Variants in COG7 observed in about 807,000 individuals in gnomAD.
COG7 encodes the protein component of oligomeric golgi complex 7.
A neutral mutation model predicts 91.5 loss-of-function variants in COG7; 49 were observed. That is an observed-to-expected ratio of 0.54 (90% CI 0.43 to 0.68). The LOEUF is 0.68. Among genes scored for constraint, COG7 ranks in the 30% least tolerant of loss-of-function variants. The pLI, the probability that COG7 is intolerant of heterozygous loss-of-function variation, is 0.00. For synonymous variants in COG7, 365 were observed against 388.7 expected (o/e 0.94, Z 0.72); for missense variants, 895 against 961.3 (o/e 0.93, Z 0.91).
At chr16:23,404,971 CTCTG>C (rs151220783) in intron 12 of COG7, among the ~76,000 whole-genome samples, 185 of 152,290 alleles carry the variant, frequency 1.2e-3, no homozygotes, top group African/African-American at 4.3e-3. Flanking sequence ...GCAATGTCTC[CTCTG>C]TCTATCACCA....
Position 23,417,265 on chromosome 16 carries a change from C to G in COG7, c.1138-144G>C, listed in dbSNP as rs559829914. 36 of 827,260 alleles carry G rather than the reference C, an allele frequency of 4.4e-5. No homozygotes were observed. In the Admixed American group the frequency reaches 7.1e-4, roughly 16 times the overall value. 51.2% of individuals were successfully genotyped at this position (827,260 alleles called of 1,614,324 possible). A position where few individuals can be genotyped will look rare whatever the true frequency, so the allele number is the denominator to read the frequency against. On this transcript the variant is annotated intron_variant, in intron 8 of 16. Coordinates refer to ENST00000307149, the MANE Select transcript of COG7 (RefSeq NM_153603.4). ...ATAGTCCCAACGTTTGAATGCTTCT[C>G]TAGAGCCTGAATCAAGGGAGAACAG...
chr16:23,449,262 C>A (rs1003886651), intron 1 of COG7, among the ~76,000 whole-genome samples: 19 of 151,792 alleles, frequency 1.3e-4, no homozygotes, highest in Non-Finnish European at 2.2e-4. Context: ...ACTCGGGAGG[C>A]TGAGGCAGGA....
intron 10 of COG7, 24 bp downstream of exon 10, chr16:23,413,424 C>G (rs780397986): frequency 8.6e-7 from 1 of 1,165,834 alleles, no homozygotes; most frequent in East Asian, 2.3e-5. Context: ...TAGGAACAAG[C>G]TTGAATTACA....
intron 7 of COG7, among the ~76,000 whole-genome samples, chr16:23,422,952 G>A (rs1963783003): frequency 6.6e-6 from 1 of 151,494 alleles, no homozygotes; most frequent in African/African-American, 2.4e-5. Context: ...GGCTGAGGCA[G>A]GAGAATTGCT....
Position 23,413,434 on chromosome 16 carries a change from A to C in COG7, c.1409+14T>G, listed in dbSNP as rs1166519830. 2 of 1,280,236 alleles carry C rather than the reference A, an allele frequency of 1.6e-6. No homozygotes were observed. The highest frequency in any genetic ancestry group is 4.6e-5 in the East Asian group (2 of 43,356). 79.3% of individuals were successfully genotyped at this position (1,280,236 alleles called of 1,614,324 possible). ...TACATTAGGAACAAGCTTGAATTAC[A>C]ACCCCCGGTTTACCTAATGGAGTTC... On this transcript the variant is annotated intron_variant, in intron 10 of 16. Coordinates refer to ENST00000307149, the MANE Select transcript of COG7 (RefSeq NM_153603.4).
At chr16:23,440,971 C>T (rs949099899) in intron 4 of COG7, among the ~76,000 whole-genome samples, 1 of 151,096 alleles carries the variant, frequency 6.6e-6, no homozygotes, top group Non-Finnish European at 1.5e-5. Flanking sequence ...CCAAAAGAGA[C>T]CAGAGAAAAT....
intron 14 of COG7, among the ~76,000 whole-genome samples, chr16:23,395,292 A>G (rs1478662671): frequency 1.3e-5 from 2 of 152,184 alleles, no homozygotes; most frequent in Non-Finnish European, 2.9e-5. Context: ...CTGGGGGAAG[A>G]GAAGGATGCT....
intron 16 of COG7, chr16:23,390,072 C>T (rs976867398): frequency 6.6e-6 from 1 of 152,292 alleles, no homozygotes; most frequent in Non-Finnish European, 1.5e-5. Context: ...GCTGCCTTTC[C>T]CTCCTGCCTG....
intron 3 of COG7, among the ~76,000 whole-genome samples, chr16:23,443,852 C>G (rs554661662): frequency 7.4e-4 from 112 of 151,856 alleles, no homozygotes; most frequent in African/African-American, 2.6e-3. Flanking sequence ...CTTGTCCGCA[C>G]AAGAAAAATT....
intron 8 of COG7, 182 bp from the exon 9 acceptor site, chr16:23,417,303 G>C (rs1192208711): frequency 3.1e-6 from 2 of 654,604 alleles, no homozygotes; most frequent in African/African-American, 1.8e-5. Flanking sequence ...TAAGTCATCA[G>C]TGGGATCATG....
rs903926904 is a variant in COG7 at position 23,453,065 on chromosome 16, C to T, written c.-71G>A. The stretch of plus-strand genomic sequence containing the variant: ...CCGGGCGGCAACGGGGATGCAGAAG[C>T]GAGCGAGCCTGCGAGAGCACCGAGG... On this transcript the variant is annotated 5_prime_UTR_variant, in exon 1 of 17. Coordinates refer to ENST00000307149, the MANE Select transcript of COG7 (RefSeq NM_153603.4). 7.5e-6 allele frequency: 12 copies of T among 1,602,522 alleles called. No homozygotes were observed. Among genetic ancestry groups the T allele is most frequent in the Admixed American group, 6.8e-5 (4 of 58,902 alleles).
intron 3 of COG7, among the ~76,000 whole-genome samples, chr16:23,444,024 C>T (rs931244023): frequency 7.9e-5 from 12 of 151,564 alleles, no homozygotes; most frequent in Non-Finnish European, 1.6e-4. Context: ...TGGTAGTGCG[C>T]GCCTATAATC....
intron 6 of COG7, among the ~76,000 whole-genome samples, chr16:23,431,027 G>T (rs1163922436): frequency 6.6e-6 from 1 of 151,716 alleles, no homozygotes; most frequent in African/African-American, 2.4e-5. Flanking sequence ...ATATAAAAAA[G>T]AATACAAATA....
At position 23,406,350 on chromosome 16, in the gene COG7, A is replaced by T. The variant is rs536954607; in HGVS notation, c.1476-88T>A. 38 of 1,134,378 alleles carry T rather than the reference A, an allele frequency of 3.3e-5. No individual in the cohort carries two copies. In the East Asian group the frequency reaches 9.1e-4, roughly 27 times the overall value. 70.3% of individuals were successfully genotyped at this position (1,134,378 alleles called of 1,614,324 possible). On this transcript the variant is annotated intron_variant, in intron 11 of 16. Coordinates refer to ENST00000307149, the MANE Select transcript of COG7 (RefSeq NM_153603.4). ...AGTCAGATTGCTCCTTACTAAATTC[A>T]AAGATAATCCTCATGAGACAGACTG...
intron 1 of COG7, among the ~76,000 whole-genome samples, chr16:23,448,989 C>A (rs1301515385): frequency 1.3e-5 from 2 of 152,174 alleles, no homozygotes; most frequent in Admixed American, 1.3e-4. Context: ...CACTGCAGGA[C>A]ATTAAGCATC....
At position 23,443,463 on chromosome 16, in the gene COG7, C is replaced by T. The variant is rs578037804; in HGVS notation, c.436-818G>A. ...ATCCCAGCACTTTGGGAGGCCAAGG[C>T]TGAAGGATCACCTGAGGTCAGGAGT... On this transcript the variant is annotated intron_variant, in intron 3 of 16. Coordinates refer to ENST00000307149, the MANE Select transcript of COG7 (RefSeq NM_153603.4). Among the ~76,000 whole-genome samples, 25 of 152,050 alleles carry T rather than the reference C, an allele frequency of 1.6e-4. No homozygotes were observed. In the South Asian group the frequency reaches 3.7e-3, roughly 23 times the overall value.
chr16:23,418,940 G>A lies in COG7; in HGVS notation c.1010-113C>T, dbSNP rs1963703898. 6.6e-6 allele frequency: 6 copies of A among 906,444 alleles called. No individual in the cohort carries two copies. In the South Asian group the frequency reaches 6.9e-5, roughly 10 times the overall value. The allele number at this position is 906,444 out of a possible 1,614,324, so 56.2% of individuals were successfully genotyped here. ...GAACTTTCCCCATTTGATCTCCAGA[G>A]GGGACTATATTTTGTTAAGCAGCTT... On this transcript the variant is annotated intron_variant, in intron 7 of 16. Coordinates refer to ENST00000307149, the MANE Select transcript of COG7 (RefSeq NM_153603.4).
At chr16:23,397,095 G>A (rs1242761071) in intron 14 of COG7, among the ~76,000 whole-genome samples, 1 of 152,080 alleles carries the variant, frequency 6.6e-6, no homozygotes, top group Non-Finnish European at 1.5e-5. Flanking sequence ...TTTTTGTAGA[G>A]GCGGGGTCCC....
chr16:23,434,747 T>C, intron 4 of COG7, 29 bp from the exon 5 acceptor site: 1 of 1,493,904 alleles, frequency 6.7e-7, no homozygotes, highest in Non-Finnish European at 9.3e-7. Context: ...ATATATACTG[T>C]TACCAGCCTT....
Sources: allele counts gnomAD v4.1 joint callset (sites outside exome capture counted in the v4.1 genomes callset), GRCh38; gene constraint gnomAD v4.1.1; transcripts MANE v1.5; gene names NCBI Gene and HGNC (gene_info 2026-07-23, HGNC 2026-07-21).